COL24A1: variants seen among roughly 807,000 people sequenced by gnomAD.
The protein encoded by COL24A1 is collagen alpha-1(XXIV) chain.
A neutral mutation model predicts 253.9 loss-of-function variants in COL24A1; 224 were observed. The observed-to-expected ratio is 0.88, with a 90% CI of 0.79 to 0.99. The LOEUF (loss-of-function observed/expected upper bound fraction) is 0.99. COL24A1 is among the 50% of genes least tolerant of loss of function. COL24A1 has a pLI of 0.00. For synonymous variants in COL24A1, 685 were observed against 673.7 expected, an observed-to-expected ratio of 1.02 and a Z score of -0.26; for missense variants, 2,131 against 2,068.5, an observed-to-expected ratio of 1.03 and a Z score of -0.59.
intron 2 of COL24A1, among the ~76,000 whole-genome samples, chr1:86,132,807 C>T (rs1649484706): frequency 6.6e-6 from 1 of 152,112 alleles, no homozygotes; most frequent in African/African-American, 2.4e-5. Flanking sequence ...TGTGATGCCT[C>T]CAGCTTTGTT....
intron 35 of COL24A1, among the ~76,000 whole-genome samples, chr1:85,872,929 A>C (rs1382097821): frequency 6.6e-6 from 1 of 152,232 alleles, no homozygotes; most frequent in Non-Finnish European, 1.5e-5. Context: ...AAATTTTTGC[A>C]ATCTACCCAT....
rs116382046 is a variant in COL24A1, at chr1:85,849,495, T to C, written c.3301-89A>G. ...ATACTTCTATCAGATAATCACTGGA[T>C]TGGATTGGACGAGAAGTAAAAATGA... is the stretch of plus-strand genomic sequence containing the variant. On this transcript the variant is annotated intron_variant, in intron 37 of 59. Coordinates refer to ENST00000370571, the MANE Select transcript of COL24A1 (RefSeq NM_152890.7). The C allele has an allele frequency of 2.6e-3, 2,584 of 998,426 alleles. 41 individuals carry two copies. The African/African-American group carries it at 0.038, about 15-fold the overall frequency. 61.8% of individuals were successfully genotyped at this position (998,426 alleles called of 1,614,324 possible).
intron 7 of COL24A1, among the ~76,000 whole-genome samples, chr1:86,080,553 A>AAGTAGG (rs1702561644): frequency 1.3e-5 from 2 of 152,128 alleles, no homozygotes; most frequent in Non-Finnish European, 2.9e-5. Context: ...CCATGAATAT[A>AAGTAGG]TACACTTACT....
intron 19 of COL24A1, among the ~76,000 whole-genome samples, chr1:86,008,244 A>G (rs753526156): frequency 2.6e-5 from 4 of 152,110 alleles, no homozygotes; most frequent in Non-Finnish European, 5.9e-5. Flanking sequence ...GAAAATATTA[A>G]TGGATATTTC....
intron 24 of COL24A1, among the ~76,000 whole-genome samples, chr1:85,946,650 G>A (rs1035089142): frequency 2.6e-5 from 4 of 152,080 alleles, no homozygotes; most frequent in South Asian, 2.1e-4. Context: ...CAATAAACAC[G>A]GTTAAAAGGC....
intron 47 of COL24A1, among the ~76,000 whole-genome samples, chr1:85,790,593 T>C (rs1455303859): frequency 6.6e-6 from 1 of 152,176 alleles, no homozygotes; most frequent in East Asian, 1.9e-4. Flanking sequence ...CTTGGTGTAC[T>C]ACAAATTGCA....
intron 37 of COL24A1, among the ~76,000 whole-genome samples, chr1:85,858,054 A>G (rs1678658296): frequency 6.6e-6 from 1 of 152,214 alleles, no homozygotes; most frequent in South Asian, 2.1e-4. Context: ...CTATGCCTCT[A>G]AAATATGTCT....
chr1:85,934,082 C>T (rs955233259), intron 24 of COL24A1, among the ~76,000 whole-genome samples: 2 of 152,120 alleles, frequency 1.3e-5, no homozygotes, highest in South Asian at 4.1e-4. Flanking sequence ...ACCAGAAAAT[C>T]CATTTCCAAG....
chr1:85,907,651 C>T (rs1684968213), intron 27 of COL24A1, among the ~76,000 whole-genome samples: 1 of 151,742 alleles, frequency 6.6e-6, no homozygotes, highest in African/African-American at 2.4e-5. Context: ...GATATTTATG[C>T]CAATCCCATC....
chr1:85,893,784 T>A (rs978071270), intron 31 of COL24A1, among the ~76,000 whole-genome samples: 1 of 152,134 alleles, frequency 6.6e-6, no homozygotes, highest in African/African-American at 2.4e-5. Context: ...ATCCCAACCA[T>A]TTTTTAAAAT....
At chr1:86,015,178 T>C (rs1696878649) in intron 19 of COL24A1, among the ~76,000 whole-genome samples, 1 of 152,210 alleles carries the variant, frequency 6.6e-6, no homozygotes, top group Admixed American at 6.5e-5. Context: ...TATATTTTTA[T>C]GATCAAGAAA....
chr1:85,770,834 CATT>C (rs1164414455), intron 53 of COL24A1, among the ~76,000 whole-genome samples: 1 of 152,162 alleles, frequency 6.6e-6, no homozygotes, highest in Non-Finnish European at 1.5e-5. Flanking sequence ...ATCCTCTCAT[CATT>C]GTCTCTAACT....
intron 24 of COL24A1, among the ~76,000 whole-genome samples, chr1:85,924,545 C>T (rs199643405): frequency 6.6e-6 from 1 of 152,116 alleles, no homozygotes; most frequent in South Asian, 2.1e-4. Context: ...TAATCCATCA[C>T]ATAAACAGAA....
intron 32 of COL24A1, among the ~76,000 whole-genome samples, chr1:85,879,378 C>T (rs981246795): frequency 1.3e-5 from 2 of 151,916 alleles, no homozygotes; most frequent in African/African-American, 2.4e-5. Flanking sequence ...TGCCTTTGCT[C>T]CTTTGTCACA....
At chr1:86,108,141 A>G (rs1705179589) in intron 5 of COL24A1, among the ~76,000 whole-genome samples, 1 of 152,162 alleles carries the variant, frequency 6.6e-6, no homozygotes, top group East Asian at 1.9e-4. Flanking sequence ...ATATATTAAT[A>G]CTAAACAGTA....
chr1:85,815,095 AC>A (rs1194608850), intron 47 of COL24A1, among the ~76,000 whole-genome samples: 14 of 152,326 alleles, frequency 9.2e-5, no homozygotes, highest in African/African-American at 3.4e-4. Context: ...TATAGCAGCA[AC>A]AAATATGACG....
intron 47 of COL24A1, among the ~76,000 whole-genome samples, chr1:85,800,768 C>T (rs1671344063): frequency 6.6e-6 from 1 of 152,170 alleles, no homozygotes. Flanking sequence ...ATCACTAAAT[C>T]CCCATTTGAA....
chr1:85,821,489 A>G (rs1673615132), intron 45 of COL24A1, among the ~76,000 whole-genome samples: 2 of 152,212 alleles, frequency 1.3e-5, no homozygotes, highest in African/African-American at 2.4e-5. Flanking sequence ...GGTCATTTCC[A>G]AATCTAAAAA....
intron 22 of COL24A1, among the ~76,000 whole-genome samples, chr1:85,968,038 C>T (rs1347374232): frequency 1.3e-5 from 2 of 152,072 alleles, no homozygotes; most frequent in Non-Finnish European, 2.9e-5. Flanking sequence ...GGAGAGACTG[C>T]CCTAGCCTCC....
Sources: gnomAD v4.1 joint callset for allele counts (sites outside exome capture counted in the v4.1 genomes callset) on GRCh38, gnomAD v4.1.1 for gene constraint, MANE v1.5 for transcripts, NCBI Gene and HGNC (gene_info 2026-07-23, HGNC 2026-07-21) for gene names.